Variants in KCNIP1 observed in about 807,000 individuals in gnomAD.
KCNIP1 encodes the protein A-type potassium channel modulatory protein KCNIP1.
Under a neutral mutation model 33.0 loss-of-function variants are expected in KCNIP1, and 18 were observed. The observed-to-expected ratio is 0.55, with a 90% CI of 0.38 to 0.81. The LOEUF is 0.81. KCNIP1 is among the 30% of genes least tolerant of loss of function. The probability of loss-of-function intolerance (pLI) is 0.00; values close to 1 mark genes in which losing one functional copy is unlikely to be tolerated. For missense variants in KCNIP1, 238 were observed against 271.6 expected, an observed-to-expected ratio of 0.88 and a Z score of 0.87; for synonymous variants, 93 against 98.3, an observed-to-expected ratio of 0.95 and a Z score of 0.32.
chr5:170,464,142 T>G (rs1179984223), intron 1 of KCNIP1, among the ~76,000 whole-genome samples: 3 of 152,108 alleles, frequency 2.0e-5, no homozygotes, highest in African/African-American at 7.2e-5. Context: ...TTGAAATAAA[T>G]TAAAGATGGA....
chr5:170,394,745 C>A (rs1282258294), intron 1 of KCNIP1, among the ~76,000 whole-genome samples: 2 of 152,136 alleles, frequency 1.3e-5, no homozygotes, highest in African/African-American at 4.8e-5. Flanking sequence ...AGCCTTTGCC[C>A]CACTCCCTCC....
At chr5:170,468,695 A>G (rs1368791321) in intron 1 of KCNIP1, among the ~76,000 whole-genome samples, 2 of 152,038 alleles carry the variant, frequency 1.3e-5, no homozygotes, top group Non-Finnish European at 2.9e-5. Context: ...AGCCTGGGCA[A>G]CATGGAGAAA....
intron 1 of KCNIP1, among the ~76,000 whole-genome samples, chr5:170,544,736 G>A (rs1306973186): frequency 2.6e-5 from 4 of 151,848 alleles, no homozygotes. Context: ...TACCCTAGAA[G>A]TTTTAATATA....
At chr5:170,500,786 C>T (rs551343988), upstream of KCNIP1, among the ~76,000 whole-genome samples, 23 of 152,208 alleles carry the variant, frequency 1.5e-4, no homozygotes, top group South Asian at 1.2e-3. Context: ...ACAAGGCGTC[C>T]GCAGGAATAA....
At chr5:170,383,878 A>G (rs926221940) in intron 1 of KCNIP1, 1 of 1,610,628 alleles carries the variant, frequency 6.2e-7, no homozygotes, top group Non-Finnish European at 8.5e-7. Flanking sequence ...ATGCACACAT[A>G]CACATCTCAG....
chr5:170,428,244 G>T (rs965438016), intron 1 of KCNIP1, among the ~76,000 whole-genome samples: 1 of 152,200 alleles, frequency 6.6e-6, no homozygotes, highest in African/African-American at 2.4e-5. Flanking sequence ...GGACTTGTGG[G>T]GATGTCGTGG....
intron 1 of KCNIP1, among the ~76,000 whole-genome samples, chr5:170,430,620 A>C (rs150957115): frequency 6.6e-6 from 1 of 152,218 alleles, no homozygotes; most frequent in Non-Finnish European, 1.5e-5. Flanking sequence ...ATCTGTCCTC[A>C]AGGATGGGAA....
intron 1 of KCNIP1, among the ~76,000 whole-genome samples, chr5:170,434,182 G>A (rs1316950088): frequency 6.6e-6 from 1 of 152,014 alleles, no homozygotes; most frequent in African/African-American, 2.4e-5. Flanking sequence ...TATAACATGG[G>A]AATAATATCA....
In KCNIP1 at chr5:170,655,199, A is replaced by G. The variant is rs77858484; in HGVS notation, c.62-63559A>G. Among the ~76,000 whole-genome samples, 3 of 152,300 alleles carry G rather than the reference A, an allele frequency of 2.0e-5. No homozygotes were observed. The East Asian group carries it at 5.8e-4, about 29-fold the overall frequency. ...TCCAACAAAACTAATATTTTTCCCAATTTGTTGGAAGAAATTTCTCTTTCT... is the reference window on the plus strand; with the variant it reads ...TCCAACAAAACTAATATTTTTCCCAGTTTGTTGGAAGAAATTTCTCTTTCT... On this transcript the variant is annotated intron_variant, in intron 1 of 7. Coordinates refer to ENST00000328939, the MANE Select transcript of KCNIP1 (RefSeq NM_014592.4).
intron 1 of KCNIP1, among the ~76,000 whole-genome samples, chr5:170,674,889 A>G (rs1356700226): frequency 6.6e-6 from 1 of 152,162 alleles, no homozygotes; most frequent in Non-Finnish European, 1.5e-5. Context: ...GGATTCCACA[A>G]GGTGCTGCTT....
intron 1 of KCNIP1, chr5:170,712,774 G>A: frequency 1.5e-6 from 2 of 1,347,100 alleles, no homozygotes; most frequent in Non-Finnish European, 2.1e-6. Context: ...CCTCAGAGCG[G>A]CCTCTCTCCA....
chr5:170,627,614 C>A (rs1759882407), intron 1 of KCNIP1, among the ~76,000 whole-genome samples: 1 of 152,248 alleles, frequency 6.6e-6, no homozygotes, highest in Admixed American at 6.5e-5. Context: ...TCATGGGTGA[C>A]CCCCAGGCAT....
chr5:170,732,740 A>C lies in KCNIP1; in HGVS notation c.436-60A>C, dbSNP rs921759805. On this transcript the variant is annotated intron_variant, in intron 5 of 7. Transcript: ENST00000328939. Reference sequence around the variant, plus strand: ...GGCACAAGGAGCCCCAAACTCTGTCACCTAGGAAGAGCTTGACCTCATGGT... The same window carrying C: ...GGCACAAGGAGCCCCAAACTCTGTCCCCTAGGAAGAGCTTGACCTCATGGT... 2.7e-6 allele frequency: 3 copies of C among 1,106,194 alleles called. No individual in the cohort carries two copies. In the Admixed American group the frequency reaches 5.2e-5, roughly 19 times the overall value. 68.5% of individuals were successfully genotyped at this position (1,106,194 alleles called of 1,614,324 possible).
intron 1 of KCNIP1, among the ~76,000 whole-genome samples, chr5:170,356,033 A>G (rs1763338122): frequency 6.6e-6 from 1 of 152,192 alleles, no homozygotes; most frequent in African/African-American, 2.4e-5. Context: ...TTTGCTAAAT[A>G]TTTGTTAAAT....
intron 1 of KCNIP1, among the ~76,000 whole-genome samples, chr5:170,398,961 AG>A (rs1215042159): frequency 6.6e-6 from 1 of 152,202 alleles, no homozygotes; most frequent in Non-Finnish European, 1.5e-5. Flanking sequence ...ATTCAAGGAG[AG>A]TCACAGAGGA....
At chr5:170,611,027 C>G (rs1267605884) in intron 1 of KCNIP1, among the ~76,000 whole-genome samples, 2 of 152,206 alleles carry the variant, frequency 1.3e-5, no homozygotes, top group African/African-American at 4.8e-5. Context: ...ACTGACTTTT[C>G]AAAAGTCACA....
intron 1 of KCNIP1, among the ~76,000 whole-genome samples, chr5:170,485,108 T>C (rs1490730368): frequency 1.3e-5 from 2 of 151,958 alleles, no homozygotes; most frequent in African/African-American, 4.8e-5. Flanking sequence ...GCCCGGCTAA[T>C]TTTGTATTTT....
At position 170,423,806 on chromosome 5, in the gene KCNIP1, A is replaced by G. The variant is rs938582394; in HGVS notation, c.88+69842A>G. Among the ~76,000 whole-genome samples, 7 of 152,096 alleles carry G rather than the reference A, an allele frequency of 4.6e-5. No individual in the cohort carries two copies. In the South Asian group the frequency reaches 6.2e-4, roughly 14 times the overall value. ...TTCACTGCCTCACCCCCTCCCCTCCACAGGCCAGATGGGGAGCCGGGTGCT... is the reference window on the plus strand; with the variant it reads ...TTCACTGCCTCACCCCCTCCCCTCCGCAGGCCAGATGGGGAGCCGGGTGCT... On this transcript the variant is annotated intron_variant, in intron 1 of 7. Coordinates refer to the KCNIP1 transcript ENST00000377360.
At chr5:170,633,492 G>C (rs1760143787) in intron 1 of KCNIP1, among the ~76,000 whole-genome samples, 1 of 150,424 alleles carries the variant, frequency 6.6e-6, no homozygotes, top group Non-Finnish European at 1.5e-5. Flanking sequence ...AGCCAGTGCA[G>C]AGGCCTATGG....
Sources: allele counts gnomAD v4.1 joint callset (sites outside exome capture counted in the v4.1 genomes callset), GRCh38; gene constraint gnomAD v4.1.1; transcripts MANE v1.5; gene names NCBI Gene and HGNC (gene_info 2026-07-23, HGNC 2026-07-21).